The following ARID1B variants were observed in gnomAD, a reference collection of about 807,000 sequenced individuals.
ARID1B encodes the protein AT-rich interaction domain 1B, also known as AT-rich interactive domain-containing protein 1B.
ARID1B carries 30 observed loss-of-function variants against 212.3 expected under a neutral mutation model. That is an observed-to-expected ratio of 0.14 (90% CI 0.11 to 0.19). ARID1B has a LOEUF of 0.19. ARID1B is among the 10% of genes least tolerant of loss of function. ARID1B has a pLI of 1.00. For synonymous variants in ARID1B, 1,402 were observed against 1,301.7 expected, an observed-to-expected ratio of 1.08 and a Z score of -1.66; for missense variants, 2,891 against 3,204.0, an observed-to-expected ratio of 0.90 and a Z score of 2.36.
chr6:156,795,350 G>A (rs967152218), intron 1 of ARID1B, among the ~76,000 whole-genome samples: 2 of 152,134 alleles, frequency 1.3e-5, no homozygotes, highest in South Asian at 2.1e-4. Context: ...AAGGGAGGCC[G>A]GAAGGTAGGA....
intron 13 of ARID1B, chr6:157,184,739 TCAAAAAGATTC>T (rs1792848972): frequency 2.1e-5 from 9 of 419,594 alleles, no homozygotes; most frequent in Non-Finnish European, 4.0e-5. Context: ...ATACAAGTAT[TCAAAAAGATTC>T]CATCTACCTC....
At chr6:157,066,446 T>C (rs1783681344) in intron 4 of ARID1B, among the ~76,000 whole-genome samples, 1 of 152,216 alleles carries the variant, frequency 6.6e-6, no homozygotes. Flanking sequence ...ATATAAAATA[T>C]AATGCACAAT....
chr6:157,104,001 A>G (rs1291648714), intron 5 of ARID1B, among the ~76,000 whole-genome samples: 1 of 151,498 alleles, frequency 6.6e-6, no homozygotes, highest in African/African-American at 2.4e-5. Flanking sequence ...ATGCCCGGCT[A>G]ATTTTTTGTA....
chr6:156,802,328 A>T (rs1282559991), intron 1 of ARID1B, among the ~76,000 whole-genome samples: 1 of 152,212 alleles, frequency 6.6e-6, no homozygotes, highest in South Asian at 2.1e-4. Context: ...AAGCTTGATG[A>T]TATGTAAAGG....
intron 4 of ARID1B, among the ~76,000 whole-genome samples, chr6:157,058,951 T>C (rs920114731): frequency 3.3e-5 from 5 of 152,124 alleles, no homozygotes; most frequent in Non-Finnish European, 7.4e-5. Flanking sequence ...TAGGCAGATC[T>C]AGCTGGGGCT....
At chr6:156,947,002 G>A (rs977478692) in intron 4 of ARID1B, among the ~76,000 whole-genome samples, 3 of 152,134 alleles carry the variant, frequency 2.0e-5, no homozygotes, top group Admixed American at 6.5e-5. Flanking sequence ...CTATAACTTT[G>A]CATTTCATTT....
chr6:157,180,510 A>C (rs1252200506), intron 11 of ARID1B, among the ~76,000 whole-genome samples: 1 of 152,234 alleles, frequency 6.6e-6, no homozygotes, highest in East Asian at 1.9e-4. Context: ...ATTTTAACGA[A>C]GACACCCTTT....
intron 3 of ARID1B, 87 bp from the exon 4 acceptor site, chr6:156,935,379 C>A: frequency 8.4e-7 from 1 of 1,190,478 alleles, no homozygotes; most frequent in Non-Finnish European, 1.2e-6. Context: ...TGTGCCCAGC[C>A]AAGCTTTTGT....
intron 4 of ARID1B, among the ~76,000 whole-genome samples, chr6:157,006,902 G>T (rs1413045249): frequency 6.6e-6 from 1 of 152,196 alleles, no homozygotes; most frequent in African/African-American, 2.4e-5. Flanking sequence ...AAATGGAAAT[G>T]TTATCAGTTT....
At chr6:157,042,741 C>T (rs1781972201) in intron 4 of ARID1B, among the ~76,000 whole-genome samples, 1 of 151,466 alleles carries the variant, frequency 6.6e-6, no homozygotes, top group Middle Eastern at 3.4e-3. Flanking sequence ...TCACTGCAGC[C>T]TCCACTTCCC....
chr6:157,016,418 G>T (rs1583151224), intron 4 of ARID1B, among the ~76,000 whole-genome samples: 1 of 152,278 alleles, frequency 6.6e-6, no homozygotes, highest in African/African-American at 2.4e-5. Context: ...ATACACATCA[G>T]ATTTTGAAGA....
intron 4 of ARID1B, among the ~76,000 whole-genome samples, chr6:156,963,787 A>G (rs1162035564): frequency 1.3e-5 from 2 of 152,210 alleles, no homozygotes; most frequent in African/African-American, 4.8e-5. Context: ...GTTTACAGAA[A>G]TTGTGTAATA....
chr6:157,202,861 A>G (rs1307778695), intron 18 of ARID1B, among the ~76,000 whole-genome samples: 5 of 150,974 alleles, frequency 3.3e-5, no homozygotes, highest in Non-Finnish European at 5.9e-5. Context: ...ATAGAAATAT[A>G]TACACACACA....
intron 3 of ARID1B, among the ~76,000 whole-genome samples, chr6:156,914,796 G>A (rs1790213939): frequency 6.6e-6 from 1 of 152,072 alleles, no homozygotes; most frequent in African/African-American, 2.4e-5. Context: ...CCACAAACCT[G>A]CCCTGTCTAT....
At chr6:157,062,002 C>T (rs909483295) in intron 4 of ARID1B, among the ~76,000 whole-genome samples, 1 of 152,050 alleles carries the variant, frequency 6.6e-6, no homozygotes. Context: ...GTGGGAAAAG[C>T]GAGACAGCAA....
intron 1 of ARID1B, among the ~76,000 whole-genome samples, chr6:156,823,705 T>TG (rs1554256000): frequency 2.0e-5 from 3 of 150,240 alleles, no homozygotes; most frequent in East Asian, 1.9e-4. Context: ...TTTTTTTTTT[T>TG]GTGAAGTGTT....
At chr6:157,123,916 G>T (rs1335400828) in intron 6 of ARID1B, among the ~76,000 whole-genome samples, 3 of 152,236 alleles carry the variant, frequency 2.0e-5, no homozygotes, top group Non-Finnish European at 2.9e-5. Context: ...CTAGTAAGTG[G>T]TGAAGACACG....
intron 8 of ARID1B, among the ~76,000 whole-genome samples, chr6:157,165,231 A>G (rs138544060): frequency 0.03 from 4,606 of 151,108 alleles, 90 homozygotes; most frequent in Non-Finnish European, 0.041. Flanking sequence ...AATGAACTCC[A>G]AGGGGTATTC....
chr6:156,846,474 T>C (rs906742004), intron 2 of ARID1B, among the ~76,000 whole-genome samples: 2 of 152,096 alleles, frequency 1.3e-5, no homozygotes, highest in African/African-American at 4.8e-5. Flanking sequence ...AGAGGCCTTC[T>C]TGAGGTGTCT....
Sources: allele counts gnomAD v4.1 joint callset (sites outside exome capture counted in the v4.1 genomes callset), GRCh38; gene constraint gnomAD v4.1.1; transcripts MANE v1.5; gene names NCBI Gene and HGNC (gene_info 2026-07-23, HGNC 2026-07-21).